Variants in EPHA6 observed in about 807,000 individuals in gnomAD.
EPHA6 encodes the protein EPH receptor A6, also known as ephrin type-A receptor 6.
EPHA6 carries 50 observed loss-of-function variants against 112.0 expected under a neutral mutation model. The ratio of observed to expected loss-of-function variants is 0.45; its 90% CI spans 0.36 to 0.56. The LOEUF is 0.56. Among genes scored for constraint, EPHA6 ranks in the 20% least tolerant of loss-of-function variants. The probability of loss-of-function intolerance (pLI) is 0.00; values close to 1 mark genes in which losing one functional copy is unlikely to be tolerated. For missense variants in EPHA6, 1,280 were observed against 1,417.4 expected (o/e 0.90, Z 1.56); for synonymous variants, 529 against 490.7 (o/e 1.08, Z -1.03).
rs1331816920 is a variant in EPHA6 at position 97,756,961 on chromosome 3, C to T, written c.*8260C>T. 6.6e-6 allele frequency among the ~76,000 whole-genome samples: 1 copy of T among 151,684 alleles called. No homozygotes were observed. Among genetic ancestry groups the T allele is most frequent in the Non-Finnish European group, 1.5e-5 (1 of 67,734 alleles). ...TTTTTAATTTTGTGTACAGTGAAAA[C>T]TTTGACAGTTTAATTTTGAATTTTG... is the stretch of plus-strand genomic sequence containing the variant. On this transcript the variant is annotated 3_prime_UTR_variant, in exon 18 of 18. Coordinates refer to ENST00000389672, the MANE Select transcript of EPHA6 (RefSeq NM_001080448.3).
intron 14 of EPHA6, among the ~76,000 whole-genome samples, chr3:97,651,959 G>A (rs2094110097): frequency 6.6e-6 from 1 of 151,908 alleles, no homozygotes; most frequent in South Asian, 2.1e-4. Context: ...CACCACCCAG[G>A]TAGTGAGCAT....
intron 11 of EPHA6, among the ~76,000 whole-genome samples, chr3:97,536,008 ATTTG>A (rs1158858821): frequency 6.6e-6 from 1 of 152,138 alleles, no homozygotes; most frequent in Non-Finnish European, 1.5e-5. Flanking sequence ...AGTTGAACCT[ATTTG>A]TTTGATATGC....
chr3:97,101,376 C>T (rs1203874131), intron 3 of EPHA6, among the ~76,000 whole-genome samples: 3 of 152,076 alleles, frequency 2.0e-5, no homozygotes, highest in South Asian at 2.1e-4. Flanking sequence ...ATGATATGCC[C>T]GCTCTCTCCA....
chr3:97,194,758 C>T (rs903171724), intron 3 of EPHA6, among the ~76,000 whole-genome samples: 2 of 151,890 alleles, frequency 1.3e-5, no homozygotes, highest in African/African-American at 4.8e-5. Flanking sequence ...GTGTTGGGTT[C>T]GTATATATTT....
intron 5 of EPHA6, among the ~76,000 whole-genome samples, chr3:97,297,784 G>A (rs879914296): frequency 2.3e-4 from 35 of 151,878 alleles, no homozygotes; most frequent in Non-Finnish European, 3.4e-4. Context: ...ATTTTTTTGA[G>A]ACAGAGTCTC....
intron 10 of EPHA6, among the ~76,000 whole-genome samples, chr3:97,521,897 C>G (rs2092549056): frequency 7.0e-6 from 1 of 141,870 alleles, no homozygotes; most frequent in African/African-American, 2.6e-5. Context: ...TAGTGACTAC[C>G]AAACTGTCTT....
chr3:97,757,341 A>G lies in EPHA6; in HGVS notation c.*8640A>G, dbSNP rs1416984715. Among the ~76,000 whole-genome samples, 1 of 151,708 alleles carries G rather than the reference A, an allele frequency of 6.6e-6. No individual in the cohort carries two copies. The highest frequency in any genetic ancestry group is 1.5e-5 in the Non-Finnish European group (1 of 67,752). ...AATATGTATTGATACATACAATTAG[A>G]AAGAAATGTCATCAAAATATCAAAA... On this transcript the variant is annotated 3_prime_UTR_variant, in exon 18 of 18. Transcript: ENST00000389672.
intron 3 of EPHA6, among the ~76,000 whole-genome samples, chr3:97,110,943 T>C (rs1182863810): frequency 6.6e-6 from 1 of 152,146 alleles, no homozygotes; most frequent in East Asian, 1.9e-4. Context: ...CTACAAAATA[T>C]GTGATTATTA....
intron 1 of EPHA6, among the ~76,000 whole-genome samples, chr3:96,816,070 G>A (rs1164409166): frequency 3.9e-5 from 6 of 152,164 alleles, no homozygotes; most frequent in Non-Finnish European, 8.8e-5. Flanking sequence ...AGGTCAGATG[G>A]CTTGAAAGTG....
intron 5 of EPHA6, among the ~76,000 whole-genome samples, chr3:97,385,189 G>A (rs554194107): frequency 1.3e-5 from 2 of 152,100 alleles, no homozygotes; most frequent in South Asian, 2.1e-4. Context: ...TTGATGTGGA[G>A]GCCATTTTAC....
intron 1 of EPHA6, among the ~76,000 whole-genome samples, chr3:96,866,240 A>G (rs902640707): frequency 6.6e-6 from 1 of 152,064 alleles, no homozygotes; most frequent in African/African-American, 2.4e-5. Context: ...AAGATTATGA[A>G]TTACTTTTGG....
intron 5 of EPHA6, among the ~76,000 whole-genome samples, chr3:97,403,086 A>AT (rs142343712): frequency 0.12 from 18,274 of 151,944 alleles, 3,522 homozygotes; most frequent in African/African-American, 0.4. Flanking sequence ...TATATCTGAC[A>AT]CTTTTTATTT....
rs1265771525 is a variant in EPHA6 at position 97,736,043 on chromosome 3, C to T, written c.3053C>T (p.Thr1018Ile). 2 of 1,612,708 alleles carry T rather than the reference C, an allele frequency of 1.2e-6. No individual in the cohort carries two copies. The highest frequency in any genetic ancestry group is 2.7e-5 in the African/African-American group (2 of 74,918). The change falls in exon 16 of 18, where the codon ACT becomes ATT. Residue 1018 changes from threonine (T) to isoleucine (I), a missense_variant. Around this residue, in one of 4 missense-constraint regions of EPHA6, gnomAD observed 145 missense variants for 153.3 expected, o/e 0.95. Transcript: ENST00000389672. ...QKERNHRPKF[T>I]DIVSFLDKLI... ...GAGAGAAATCACAGACCAAAATTTACTGACATTGTCAGCTTCCTTGACAAA... is the reference window on the plus strand; with the variant it reads ...GAGAGAAATCACAGACCAAAATTTATTGACATTGTCAGCTTCCTTGACAAA...
At chr3:97,322,784 G>A (rs2082181805) in intron 5 of EPHA6, among the ~76,000 whole-genome samples, 1 of 151,788 alleles carries the variant, frequency 6.6e-6, no homozygotes, top group Admixed American at 6.6e-5. Context: ...TTAATTGAAT[G>A]GAAAAACTAA....
intron 14 of EPHA6, among the ~76,000 whole-genome samples, chr3:97,698,589 C>T (rs975420117): frequency 3.3e-5 from 5 of 152,006 alleles, no homozygotes; most frequent in Non-Finnish European, 7.4e-5. Flanking sequence ...AAGCTCTGTA[C>T]ATTTATAGGA....
chr3:97,266,509 T>TAA (rs148282035), intron 5 of EPHA6, among the ~76,000 whole-genome samples: 39 of 150,612 alleles, frequency 2.6e-4, no homozygotes, highest in African/African-American at 8.0e-4. Flanking sequence ...AAATCGGGCT[T>TAA]AAAAAAAAAA....
chr3:97,719,680 T>A lies in EPHA6; in HGVS notation c.2785-581T>A, dbSNP rs187284932. ...AATAAAAATATAAACTATATTAAAG[T>A]TTTTGAAAGAAAGATTATCCTTTCA... On this transcript the variant is annotated intron_variant, in intron 14 of 17. Coordinates refer to ENST00000389672, the MANE Select transcript of EPHA6 (RefSeq NM_001080448.3). Among the ~76,000 whole-genome samples the A allele has an allele frequency of 1.2e-4, 18 of 152,332 alleles. No homozygotes were observed. The East Asian group carries it at 3.5e-3, about 29-fold the overall frequency.
At chr3:97,127,439 G>T (rs537836673) in intron 3 of EPHA6, among the ~76,000 whole-genome samples, 1 of 152,222 alleles carries the variant, frequency 6.6e-6, no homozygotes. Flanking sequence ...GAACTTCCCG[G>T]CTGGGCACTG....
chr3:97,052,197 C>T (rs1333276495), intron 3 of EPHA6, among the ~76,000 whole-genome samples: 1 of 152,092 alleles, frequency 6.6e-6, no homozygotes, highest in African/African-American at 2.4e-5. Flanking sequence ...CATTATGCCA[C>T]TCACGCATAT....
Sources: allele counts gnomAD v4.1 joint callset (sites outside exome capture counted in the v4.1 genomes callset), GRCh38; gene constraint gnomAD v4.1.1; regional missense constraint gnomAD v4.1.1; transcripts MANE v1.5; gene names NCBI Gene and HGNC (gene_info 2026-07-23, HGNC 2026-07-21).